Variants in PARD3B observed in about 807,000 individuals in gnomAD.
PARD3B encodes the protein partitioning defective 3 homolog B.
PARD3B carries 103 observed loss-of-function variants against 130.2 expected under a neutral mutation model. The observed-to-expected ratio is 0.79, with a 90% CI of 0.67 to 0.93. The LOEUF is 0.93. Ranked by LOEUF, PARD3B falls within the 40% of genes least tolerant of loss-of-function variation. The probability of loss-of-function intolerance (pLI) is 0.00; values close to 1 mark genes in which losing one functional copy is unlikely to be tolerated. For synonymous variants in PARD3B, 583 were observed against 553.2 expected, an observed-to-expected ratio of 1.05 and a Z score of -0.76; for missense variants, 1,609 against 1,499.2, an observed-to-expected ratio of 1.07 and a Z score of -1.21.
intron 1 of PARD3B, among the ~76,000 whole-genome samples, chr2:204,620,981 G>A (rs1175635562): frequency 6.6e-6 from 1 of 152,176 alleles, no homozygotes; most frequent in Non-Finnish European, 1.5e-5. Flanking sequence ...GTGAGTACCT[G>A]TGTTTCACTG....
intron 18 of PARD3B, among the ~76,000 whole-genome samples, chr2:205,345,305 G>A (rs905187985): frequency 7.2e-5 from 11 of 152,166 alleles, no homozygotes; most frequent in African/African-American, 2.7e-4. Context: ...TAATAAACTT[G>A]GGGGTACTTA....
chr2:205,222,491 C>T (rs115217934), intron 15 of PARD3B, among the ~76,000 whole-genome samples: 1 of 152,278 alleles, frequency 6.6e-6, no homozygotes, highest in Non-Finnish European at 1.5e-5. Context: ...TATTGAAATG[C>T]TTACCATGAT....
intron 2 of PARD3B, among the ~76,000 whole-genome samples, chr2:204,897,513 A>C (rs1165353602): frequency 1.3e-5 from 2 of 151,676 alleles, no homozygotes; most frequent in Non-Finnish European, 2.9e-5. Context: ...TTTGGAGATA[A>C]TTGTAGAATT....
intron 3 of PARD3B, among the ~76,000 whole-genome samples, chr2:205,033,411 A>C (rs939829817): frequency 6.6e-6 from 1 of 152,206 alleles, no homozygotes; most frequent in Non-Finnish European, 1.5e-5. Flanking sequence ...TTTGGAAGAT[A>C]ATCTATTTCT....
At chr2:205,266,341 C>T (rs1328769904) in intron 16 of PARD3B, among the ~76,000 whole-genome samples, 18 of 152,048 alleles carry the variant, frequency 1.2e-4, no homozygotes, top group Admixed American at 1.2e-3. Context: ...TTTAAGAAGA[C>T]ATAATAATGA....
intron 2 of PARD3B, among the ~76,000 whole-genome samples, chr2:204,905,425 G>T (rs562078643): frequency 1.3e-5 from 2 of 152,300 alleles, no homozygotes; most frequent in South Asian, 4.1e-4. Flanking sequence ...TTCTTTAAAT[G>T]TGTTAAATAA....
At chr2:204,567,035 C>T (rs555286510) in intron 1 of PARD3B, among the ~76,000 whole-genome samples, 23 of 152,166 alleles carry the variant, frequency 1.5e-4, no homozygotes, top group South Asian at 8.3e-4. Context: ...CCCACCACCA[C>T]GCCCAGCTAA....
intron 2 of PARD3B, among the ~76,000 whole-genome samples, chr2:204,699,083 G>C (rs1421061961): frequency 6.6e-6 from 1 of 152,044 alleles, no homozygotes; most frequent in African/African-American, 2.4e-5. Context: ...GCAATTATCA[G>C]TTTTCCCAAA....
chr2:205,195,665 G>A (rs1431516114), intron 15 of PARD3B, among the ~76,000 whole-genome samples: 1 of 152,182 alleles, frequency 6.6e-6, no homozygotes, highest in East Asian at 1.9e-4. Context: ...TGCTCAAAAA[G>A]TAGGTGACTA....
At chr2:204,976,151 A>AT (rs1692127020) in intron 3 of PARD3B, among the ~76,000 whole-genome samples, 1 of 152,214 alleles carries the variant, frequency 6.6e-6, no homozygotes, top group African/African-American at 2.4e-5. Context: ...ATTGTACTTT[A>AT]TATCTTCTCT....
At position 205,207,385 on chromosome 2, in the gene PARD3B, A is replaced by G. The variant is rs2037377957; in HGVS notation, c.2140+14065A>G. Among the ~76,000 whole-genome samples the G allele has an allele frequency of 1.3e-4, 19 of 148,322 alleles. No individual in the cohort carries two copies. In the South Asian group the frequency reaches 4.0e-3, roughly 32 times the overall value. The stretch of plus-strand genomic sequence containing the variant: ...CTAAAATCAGAGCAGAACTGAAGGA[A>G]ATAGAGACACAAAAAACCCTTCAAA... On this transcript the variant is annotated intron_variant, in intron 15 of 22. Coordinates refer to ENST00000406610, the MANE Select transcript of PARD3B (RefSeq NM_001302769.2).
intron 15 of PARD3B, among the ~76,000 whole-genome samples, chr2:205,219,911 A>T (rs1221013397): frequency 6.6e-6 from 1 of 152,208 alleles, no homozygotes; most frequent in Admixed American, 6.5e-5. Context: ...CATGATTTGG[A>T]TATAGCAGGC....
At chr2:205,209,472 C>G (rs73059287) in intron 15 of PARD3B, among the ~76,000 whole-genome samples, 24,395 of 151,964 alleles carry the variant, frequency 0.16, 2,276 homozygotes, top group African/African-American at 0.26. Flanking sequence ...AAGAATGGAA[C>G]AAAATACTTA....
At position 204,647,067 on chromosome 2, in the gene PARD3B, C is replaced by T. The variant is rs937676550; in HGVS notation, c.121-39114C>T. ...CTACTGAATGCTTATTGCTTTTACACCATCGTAAAGTCGAAGAGTTTTAAG... is the reference window on the plus strand; with the variant it reads ...CTACTGAATGCTTATTGCTTTTACATCATCGTAAAGTCGAAGAGTTTTAAG... On this transcript the variant is annotated intron_variant, in intron 1 of 22. Coordinates refer to ENST00000406610, the MANE Select transcript of PARD3B (RefSeq NM_001302769.2). Among the ~76,000 whole-genome samples the T allele has an allele frequency of 2.6e-5, 4 of 151,878 alleles. No homozygotes were observed. The East Asian group carries it at 7.7e-4, about 29-fold the overall frequency.
chr2:204,858,754 T>C (rs1408132830), intron 2 of PARD3B, among the ~76,000 whole-genome samples: 3 of 148,430 alleles, frequency 2.0e-5, no homozygotes, highest in Non-Finnish European at 4.5e-5. Flanking sequence ...ACTGTATATA[T>C]AGGTGTATAT....
intron 20 of PARD3B, among the ~76,000 whole-genome samples, chr2:205,474,964 G>A (rs745575431): frequency 9.9e-5 from 15 of 152,174 alleles, no homozygotes; most frequent in African/African-American, 7.2e-5. Flanking sequence ...CGCCTCAGCC[G>A]TGAGTCATTA....
chr2:205,031,489 T>A (rs990926902), intron 3 of PARD3B, among the ~76,000 whole-genome samples: 3 of 152,162 alleles, frequency 2.0e-5, no homozygotes. Context: ...CAGGAACCAT[T>A]TGACAAGTTC....
At chr2:205,374,282 G>A (rs539300384) in intron 18 of PARD3B, among the ~76,000 whole-genome samples, 1 of 151,942 alleles carries the variant, frequency 6.6e-6, no homozygotes, top group African/African-American at 2.4e-5. Flanking sequence ...GGTAGCCCAG[G>A]CTGGAATACA....
Position 205,440,632 on chromosome 2 carries a change from A to G in PARD3B, c.3004A>G (p.Lys1002Glu). The change falls in exon 20 of 23, where the codon AAG becomes GAG. Residue 1002 changes from lysine to glutamate, a missense_variant. Lys to Glu is a moderately conservative substitution (Grantham distance 56, BLOSUM62 1). Coordinates refer to ENST00000406610, the MANE Select transcript of PARD3B (RefSeq NM_001302769.2). The surrounding 1 kb of genome is among the most constrained non-coding windows in gnomAD (Gnocchi z 4.2). ...ERDHLEGLYA[K>E]VNKPYHPLVP... Reference sequence around the variant, plus strand: ...AGACCACTTAGAGGGTCTCTATGCCAAGGTCAACAAGCCATACCATCCACT... The same window carrying G: ...AGACCACTTAGAGGGTCTCTATGCCGAGGTCAACAAGCCATACCATCCACT... 1.9e-6 allele frequency: 3 copies of G among 1,613,840 alleles called. No homozygotes were observed. The highest frequency in any genetic ancestry group is 2.5e-6 in the Non-Finnish European group (3 of 1,179,888).
Sources: allele counts gnomAD v4.1 joint callset (sites outside exome capture counted in the v4.1 genomes callset), GRCh38; gene constraint gnomAD v4.1.1; non-coding constraint Gnocchi (gnomAD v3.1); transcripts MANE v1.5; gene names NCBI Gene and HGNC (gene_info 2026-07-23, HGNC 2026-07-21).